Variants in MYZAP observed in about 807,000 individuals in gnomAD.
The protein encoded by MYZAP is myocardial zonula adherens protein.
A neutral mutation model predicts 69.4 loss-of-function variants in MYZAP; 66 were observed. That is an observed-to-expected ratio of 0.95 (90% CI 0.78 to 1.17). MYZAP has a LOEUF of 1.17. Ranked by LOEUF, MYZAP falls within the 50% of genes most tolerant of loss-of-function variation. The pLI is 0.00. For synonymous variants in MYZAP, 256 were observed against 205.9 expected, an observed-to-expected ratio of 1.24 and a Z score of -2.09; for missense variants, 611 against 556.2, an observed-to-expected ratio of 1.10 and a Z score of -0.99.
intron 12 of MYZAP, among the ~76,000 whole-genome samples, chr15:57,676,921 C>G (rs2039167550): frequency 6.6e-6 from 1 of 152,186 alleles, no homozygotes; most frequent in Admixed American, 6.5e-5. Context: ...TTGGTTTCCC[C>G]CCGGATCCAT....
At chr15:57,629,597 C>G (rs1043683831) in intron 5 of MYZAP, 105 bp from the exon 6 acceptor site, 25 of 1,448,100 alleles carry the variant, frequency 1.7e-5, no homozygotes, top group Admixed American at 2.3e-5. Context: ...TAGCCTAGGA[C>G]AGCTACCCCA....
chr15:57,684,150 C>T (rs2039576778), intron 12 of MYZAP, among the ~76,000 whole-genome samples: 1 of 152,066 alleles, frequency 6.6e-6, no homozygotes, highest in Non-Finnish European at 1.5e-5. Flanking sequence ...CCCTCATGAC[C>T]TAATCACCTC....
intron 10 of MYZAP, 90 bp from the exon 11 acceptor site, chr15:57,661,360 G>T: frequency 2.1e-6 from 2 of 968,144 alleles, no homozygotes; most frequent in South Asian, 1.5e-5. Flanking sequence ...AAAAATAAAT[G>T]AAAACCAAGG....
chr15:57,659,416 T>G lies in MYZAP; in HGVS notation c.1120-2034T>G, dbSNP rs138759358. On this transcript the variant is annotated intron_variant, in intron 10 of 12. Coordinates refer to ENST00000267853, the MANE Select transcript of MYZAP (RefSeq NM_001018100.5). ...ATATTTTACAAAAGAAAATAAAAAT[T>G]ATGAATTCATACTGATATTGTCATT... 1.7e-3 allele frequency among the ~76,000 whole-genome samples: 265 copies of G among 152,302 alleles called. 1 individual carries two copies. Among genetic ancestry groups the G allele is most frequent in the African/African-American group, 6.2e-3 (257 of 41,582 alleles).
intron 10 of MYZAP, chr15:57,647,628 C>A (rs2037508559): frequency 2.0e-6 from 2 of 985,256 alleles, no homozygotes; most frequent in Non-Finnish European, 2.4e-6. Context: ...ATGAACCGTA[C>A]CTGGAGGCCA....
At chr15:57,630,781 G>A (rs1370447863) in intron 6 of MYZAP, among the ~76,000 whole-genome samples, 3 of 152,200 alleles carry the variant, frequency 2.0e-5, no homozygotes, top group Admixed American at 1.3e-4. Flanking sequence ...TAAGTCTGTG[G>A]TTTGAAAATT....
chr15:57,669,464 T>G (rs1319007802), intron 11 of MYZAP, among the ~76,000 whole-genome samples: 1 of 152,188 alleles, frequency 6.6e-6, no homozygotes, highest in Non-Finnish European at 1.5e-5. Flanking sequence ...TTTCTGATAT[T>G]ATTTGTACCC....
intron 9 of MYZAP, 52 bp downstream of exon 9, chr15:57,637,826 G>T (rs1326227215): frequency 1.2e-5 from 18 of 1,538,144 alleles, no homozygotes; most frequent in Admixed American, 9.5e-5. Flanking sequence ...TGGACACGCT[G>T]TGTTTTTATG....
chr15:57,648,321 A>G (rs1220170383), intron 10 of MYZAP: 1 of 985,324 alleles, frequency 1.0e-6, no homozygotes, highest in Admixed American at 6.1e-5. Flanking sequence ...AATGTCATTG[A>G]ATCTATGTTC....
At chr15:57,658,531 T>C (rs2038117949) in intron 10 of MYZAP, among the ~76,000 whole-genome samples, 1 of 152,222 alleles carries the variant, frequency 6.6e-6, no homozygotes, top group African/African-American at 2.4e-5. Context: ...CGACTACTTT[T>C]ATTCGTACCT....
intron 11 of MYZAP, among the ~76,000 whole-genome samples, chr15:57,668,600 T>A (rs1178374452): frequency 6.6e-6 from 1 of 152,204 alleles, no homozygotes; most frequent in Non-Finnish European, 1.5e-5. Context: ...GTGGTTTTAA[T>A]GTGCATTTCC....
At chr15:57,604,069 G>C (rs544722075) in intron 1 of MYZAP, among the ~76,000 whole-genome samples, 200 bp from the exon 2 acceptor site, 15 of 152,334 alleles carry the variant, frequency 9.8e-5, no homozygotes, top group African/African-American at 3.6e-4. Flanking sequence ...GCCCCAGGGT[G>C]GTGGGTGCCT....
intron 1 of MYZAP, chr15:57,599,651 G>A: frequency 7.8e-7 from 1 of 1,289,190 alleles, no homozygotes; most frequent in Non-Finnish European, 1.0e-6. Flanking sequence ...TCTGGAGATT[G>A]TGTATCCGAG....
At chr15:57,600,021 G>A (rs192716586) in intron 1 of MYZAP, among the ~76,000 whole-genome samples, 2 of 152,074 alleles carry the variant, frequency 1.3e-5, no homozygotes, top group Admixed American at 6.5e-5. Context: ...TCTTAACATC[G>A]TTGCCACCAA....
At chr15:57,610,706 A>C (rs148150429) in intron 2 of MYZAP, among the ~76,000 whole-genome samples, 68 of 152,292 alleles carry the variant, frequency 4.5e-4, no homozygotes, top group African/African-American at 1.6e-3. Flanking sequence ...AAAGCAGTCA[A>C]GGTGCAGCGG....
At chr15:57,666,979 C>T (rs2038605839) in intron 11 of MYZAP, among the ~76,000 whole-genome samples, 1 of 152,070 alleles carries the variant, frequency 6.6e-6, no homozygotes, top group Non-Finnish European at 1.5e-5. Context: ...ACATTGCAAG[C>T]ATTTATCTTC....
intron 11 of MYZAP, among the ~76,000 whole-genome samples, chr15:57,669,097 C>A (rs986243732): frequency 3.3e-5 from 5 of 151,892 alleles, no homozygotes. Flanking sequence ...CCACGTTGCC[C>A]GGGCTGGTCT....
intron 8 of MYZAP, among the ~76,000 whole-genome samples, chr15:57,635,542 A>G (rs986188578): frequency 1.2e-4 from 18 of 152,262 alleles, no homozygotes; most frequent in Non-Finnish European, 2.1e-4. Flanking sequence ...TTTAGGAAAC[A>G]CAAAACCTTC....
intron 12 of MYZAP, among the ~76,000 whole-genome samples, chr15:57,678,792 T>C (rs1250267659): frequency 6.6e-6 from 1 of 152,124 alleles, no homozygotes; most frequent in Non-Finnish European, 1.5e-5. Context: ...TACTCACTCA[T>C]CTGTACAACT....
Sources: gnomAD v4.1 joint callset for allele counts (sites outside exome capture counted in the v4.1 genomes callset) on GRCh38, gnomAD v4.1.1 for gene constraint, MANE v1.5 for transcripts, NCBI Gene and HGNC (gene_info 2026-07-23, HGNC 2026-07-21) for gene names.